The following UBASH3B variants were observed in gnomAD, a reference collection of about 807,000 sequenced individuals.
The protein encoded by UBASH3B is ubiquitin associated and SH3 domain containing B, also known as ubiquitin-associated and SH3 domain-containing protein B.
In UBASH3B, 37 loss-of-function variants were observed where a neutral mutation model predicts 83.4. That is an observed-to-expected ratio of 0.44 (90% CI 0.34 to 0.58). The LOEUF is 0.58. Ranked by LOEUF, UBASH3B falls within the 20% of genes least tolerant of loss-of-function variation. The pLI is 0.01. For missense variants in UBASH3B, 657 were observed against 827.2 expected, an observed-to-expected ratio of 0.79 and a Z score of 2.52; for synonymous variants, 304 against 318.3, an observed-to-expected ratio of 0.96 and a Z score of 0.48.
At chr11:122,693,279 G>T (rs903281629) in intron 1 of UBASH3B, among the ~76,000 whole-genome samples, 1 of 152,198 alleles carries the variant, frequency 6.6e-6, no homozygotes, top group African/African-American at 2.4e-5. Context: ...ATCTTCAGTT[G>T]CTTCAGGCCA....
intron 1 of UBASH3B, among the ~76,000 whole-genome samples, chr11:122,708,360 C>T (rs1013153082): frequency 3.1e-4 from 45 of 145,828 alleles, no homozygotes; most frequent in African/African-American, 1.0e-3. Flanking sequence ...GGCACAATCT[C>T]GGCTCACTGC....
intron 1 of UBASH3B, among the ~76,000 whole-genome samples, chr11:122,701,617 C>G (rs1241625986): frequency 1.3e-5 from 2 of 152,072 alleles, no homozygotes; most frequent in Admixed American, 6.6e-5. Flanking sequence ...CATTGGCATA[C>G]GGTCCTGTAG....
chr11:122,759,808 G>T lies in UBASH3B; in HGVS notation c.162-16411G>T, dbSNP rs1278680192. Among the ~76,000 whole-genome samples the T allele has an allele frequency of 6.6e-6, 1 of 152,214 alleles. No homozygotes were observed. Among genetic ancestry groups the T allele is most frequent in the Non-Finnish European group, 1.5e-5 (1 of 68,044 alleles). On this transcript the variant is annotated intron_variant, in intron 1 of 13. Transcript: ENST00000284273. The surrounding 1 kb of genome is among the most constrained non-coding windows in gnomAD (Gnocchi z 4.1). Reference sequence around the variant, plus strand: ...TGCTGTGCAGCCTGGCTCCTAACAGGCCACGTACCAGTACCCATCTGTGGC... The same window carrying T: ...TGCTGTGCAGCCTGGCTCCTAACAGTCCACGTACCAGTACCCATCTGTGGC...
intron 1 of UBASH3B, among the ~76,000 whole-genome samples, chr11:122,690,236 T>TA (rs1863875878): frequency 2.6e-5 from 2 of 76,814 alleles, no homozygotes; most frequent in Non-Finnish European, 5.5e-5. Context: ...ATATCCAATT[T>TA]TATATATATA....
At chr11:122,805,296 G>A (rs180724913) in intron 11 of UBASH3B, among the ~76,000 whole-genome samples, 1 of 152,300 alleles carries the variant, frequency 6.6e-6, no homozygotes, top group Admixed American at 6.5e-5. Flanking sequence ...TTGGGAGGCC[G>A]AGGTGGGCGG....
intron 11 of UBASH3B, among the ~76,000 whole-genome samples, chr11:122,802,251 G>A (rs530246952): frequency 6.9e-5 from 10 of 145,656 alleles, no homozygotes; most frequent in East Asian, 6.1e-4. Flanking sequence ...GGAGGCGGAG[G>A]TTGCAGTGAG....
At position 122,811,737 on chromosome 11, in the gene UBASH3B, T is replaced by C. The variant is rs1017482732; in HGVS notation, c.*1851T>C. 1 of 152,226 alleles carries C rather than the reference T, an allele frequency of 6.6e-6. No individual in the cohort carries two copies. Among genetic ancestry groups the C allele is most frequent in the Non-Finnish European group, 1.5e-5 (1 of 68,034 alleles). 9.4% of individuals were successfully genotyped at this position (152,226 alleles called of 1,614,324 possible). ...GTTGCGCAAACACTGACCCAGCTTC[T>C]GGGTATGGAAATAACCCTGTGATGA... On this transcript the variant is annotated 3_prime_UTR_variant, in exon 14 of 14. Transcript: ENST00000284273.
intron 9 of UBASH3B, 122 bp downstream of exon 9, chr11:122,797,155 T>C: frequency 5.9e-6 from 8 of 1,363,740 alleles, no homozygotes; most frequent in Admixed American, 4.8e-5. Context: ...GTTTCCTCAA[T>C]TCAAAAGGAA....
chr11:122,669,925 G>A (rs1291638289), intron 1 of UBASH3B, among the ~76,000 whole-genome samples: 5 of 152,162 alleles, frequency 3.3e-5, no homozygotes, highest in Non-Finnish European at 7.3e-5. Flanking sequence ...CATGGTATTG[G>A]CATGTAGCTA....
At chr11:122,669,296 A>G (rs1863560076) in intron 1 of UBASH3B, among the ~76,000 whole-genome samples, 1 of 152,150 alleles carries the variant, frequency 6.6e-6, no homozygotes, top group African/African-American at 2.4e-5. Context: ...GTCCGCCTCC[A>G]TCCCTTGGCT....
At chr11:122,665,588 T>G (rs1346928910) in intron 1 of UBASH3B, among the ~76,000 whole-genome samples, 1 of 152,214 alleles carries the variant, frequency 6.6e-6, no homozygotes, top group African/African-American at 2.4e-5. Flanking sequence ...TTCCTGTTTT[T>G]GTTTTGTTTT....
chr11:122,772,413 G>A lies in UBASH3B; in HGVS notation c.162-3806G>A, dbSNP rs186682645. On this transcript the variant is annotated intron_variant, in intron 1 of 13. Transcript: ENST00000284273. ...GTTTTCATTTGGTTTCCTGATAAGC[G>A]TTCCTTAGGAGAAGAAGAAAAAAGA... 1.7e-3 allele frequency among the ~76,000 whole-genome samples: 258 copies of A among 152,064 alleles called. 1 individual carries two copies. Among genetic ancestry groups the A allele is most frequent in the African/African-American group, 5.9e-3 (245 of 41,478 alleles).
intron 1 of UBASH3B, among the ~76,000 whole-genome samples, chr11:122,755,177 C>T (rs946311548): frequency 4.6e-5 from 7 of 152,080 alleles, no homozygotes; most frequent in African/African-American, 1.7e-4. Context: ...CCCCAGAGCT[C>T]TTAAGCATAT....
rs189994345 is a variant in UBASH3B, at chr11:122,681,907, C to T, written c.161+25697C>T. Among the ~76,000 whole-genome samples the T allele has an allele frequency of 2.9e-3, 446 of 152,300 alleles. 5 individuals are homozygous for T. Among genetic ancestry groups the T allele is most frequent in the African/African-American group, 0.01 (417 of 41,562 alleles). On this transcript the variant is annotated intron_variant, in intron 1 of 13. Transcript: ENST00000284273. ...GCATGGTCAGCGTGTCTGCGATCCA[C>T]GATGCTCTGCCTGGGTTTGGGAAGC...
chr11:122,771,122 T>C (rs1010678121), intron 1 of UBASH3B, among the ~76,000 whole-genome samples: 3 of 152,242 alleles, frequency 2.0e-5, no homozygotes, highest in African/African-American at 7.2e-5. Flanking sequence ...AGCTTGGATT[T>C]TCCTGCACAT....
chr11:122,758,013 CCTT>C lies in UBASH3B; in HGVS notation c.162-18202_162-18200del, dbSNP rs1197709618. 1.3e-5 allele frequency among the ~76,000 whole-genome samples: 2 copies of C among 152,138 alleles called. No homozygotes were observed. The highest frequency in any genetic ancestry group is 2.9e-5 in the Non-Finnish European group (2 of 68,030). ...GAGCCACCGCACCAGGCCGACAAGA[CCTT>C]CTTTAAACACTCAACCACTCCTTTT... On this transcript the variant is annotated intron_variant, in intron 1 of 13. Transcript: ENST00000284273. The surrounding 1 kb of genome is among the most constrained non-coding windows in gnomAD (Gnocchi z 4.2).
At chr11:122,678,244 G>T (rs1365048451) in intron 1 of UBASH3B, among the ~76,000 whole-genome samples, 2 of 152,204 alleles carry the variant, frequency 1.3e-5, no homozygotes, top group Non-Finnish European at 2.9e-5. Context: ...TCAGTGACCT[G>T]GAGAGAATAC....
intron 1 of UBASH3B, among the ~76,000 whole-genome samples, chr11:122,656,799 G>A (rs972276585): frequency 6.6e-6 from 1 of 152,244 alleles, no homozygotes; most frequent in African/African-American, 2.4e-5. Flanking sequence ...GATGGAATCA[G>A]AAGGAGAAGC....
intron 6 of UBASH3B, among the ~76,000 whole-genome samples, chr11:122,789,771 T>C (rs11218810): frequency 6.6e-6 from 1 of 152,278 alleles, no homozygotes; most frequent in Non-Finnish European, 1.5e-5. Flanking sequence ...TAAGTGACCC[T>C]GAGCAAGTCC....
Sources: allele counts gnomAD v4.1 joint callset (sites outside exome capture counted in the v4.1 genomes callset), GRCh38; gene constraint gnomAD v4.1.1; non-coding constraint Gnocchi (gnomAD v3.1); transcripts MANE v1.5; gene names NCBI Gene and HGNC (gene_info 2026-07-23, HGNC 2026-07-21).